CYB5R4: variants seen among roughly 807,000 people sequenced by gnomAD.
CYB5R4 encodes N-terminal cytochrome b5 and cytochrome b5 oxidoreductase domain-containing protein.
A neutral mutation model predicts 70.2 loss-of-function variants in CYB5R4; 55 were observed. The observed-to-expected ratio is 0.78, with a 90% CI of 0.63 to 0.98. CYB5R4 has a LOEUF of 0.98. Ranked by LOEUF, CYB5R4 falls within the 50% of genes least tolerant of loss-of-function variation. The pLI, the probability that CYB5R4 is intolerant of heterozygous loss-of-function variation, is 0.00. For synonymous variants in CYB5R4, 197 were observed against 199.5 expected (o/e 0.99, Z 0.11); for missense variants, 562 against 612.6 (o/e 0.92, Z 0.87).
intron 14 of CYB5R4, among the ~76,000 whole-genome samples, chr6:83,942,044 C>T (rs1453713718): frequency 2.0e-5 from 3 of 152,186 alleles, no homozygotes; most frequent in African/African-American, 7.2e-5. Context: ...GCTTTGGAAC[C>T]TGTGAAGCCC....
intron 2 of CYB5R4, among the ~76,000 whole-genome samples, chr6:83,877,768 G>A (rs953531940): frequency 2.6e-5 from 4 of 152,270 alleles, no homozygotes; most frequent in African/African-American, 7.2e-5. Flanking sequence ...TCATAGCAGC[G>A]AGTAAGATTT....
Position 83,859,736 on chromosome 6 carries a change from C to A in CYB5R4, c.-47C>A. On this transcript the variant is annotated 5_prime_UTR_variant, in exon 1 of 16. Transcript: ENST00000369681. ...CAGAGCCGGAGCTGGAGGTGCTGTC[C>A]CGTCTGGCGGCGATCCCCGGGCAGG... The A allele has an allele frequency of 6.3e-7, 1 of 1,599,340 alleles. No individual in the cohort carries two copies.
rs1157703437 is a variant in CYB5R4, at chr6:83,963,348, A to G, written c.*3470A>G. ...TCAACTTCATTATGCTGGCAAAGGCATGGGTACAACCTGCTCTGTGATCTA... is the reference window on the plus strand; with the variant it reads ...TCAACTTCATTATGCTGGCAAAGGCGTGGGTACAACCTGCTCTGTGATCTA... On this transcript the variant is annotated 3_prime_UTR_variant, in exon 16 of 16. Coordinates refer to ENST00000369681, the MANE Select transcript of CYB5R4 (RefSeq NM_016230.4). 1 of 152,244 alleles carries G rather than the reference A, an allele frequency of 6.6e-6. No individual in the cohort carries two copies. The highest frequency in any genetic ancestry group is 2.4e-5 in the African/African-American group (1 of 41,464). The allele number at this position is 152,244 out of a possible 1,614,324, so 9.4% of individuals were successfully genotyped here.
rs61756901 is a variant in CYB5R4 at position 83,937,415 on chromosome 6, T to C, written c.1108+1039T>C. Among the ~76,000 whole-genome samples, 632 of 152,344 alleles carry C rather than the reference T, an allele frequency of 4.1e-3. 6 individuals are homozygous for C. Among genetic ancestry groups the C allele is most frequent in the African/African-American group, 0.015 (603 of 41,576 alleles). ...TATAAGAATAAATATATTTCTTCAT[T>C]ACAAGACTTTGAGTTTAAGAGCAGA... is the stretch of plus-strand genomic sequence containing the variant. On this transcript the variant is annotated intron_variant, in intron 12 of 15. Transcript: ENST00000369681.
At chr6:83,939,627 A>G (rs1421989815) in intron 12 of CYB5R4, among the ~76,000 whole-genome samples, 2 of 152,242 alleles carry the variant, frequency 1.3e-5, no homozygotes, top group Non-Finnish European at 2.9e-5. Flanking sequence ...ATGTGTAAAT[A>G]GTGAATATCT....
chr6:83,910,671 A>G (rs1051936645), intron 4 of CYB5R4, among the ~76,000 whole-genome samples: 2 of 152,230 alleles, frequency 1.3e-5, no homozygotes, highest in African/African-American at 4.8e-5. Flanking sequence ...ATTCATGTAC[A>G]GGTGATTCCA....
chr6:83,878,696 TAG>T (rs1458066741), intron 2 of CYB5R4, among the ~76,000 whole-genome samples: 1 of 152,090 alleles, frequency 6.6e-6, no homozygotes, highest in Non-Finnish European at 1.5e-5. Flanking sequence ...AGAAGAATAA[TAG>T]AAACTGTGGT....
rs746527779 is a variant in CYB5R4, at chr6:83,940,132, G to A, written c.1185G>A (p.Leu395=). 6.2e-7 allele frequency: 1 copy of A among 1,610,368 alleles called. No individual in the cohort carries two copies. Among genetic ancestry groups the A allele is most frequent in the African/African-American group, 1.3e-5 (1 of 74,486 alleles). ...SKFQELEDLF[L]LAAGTGFTPM... is the part of the protein sequence containing the mutation. ...TCCAAGAATTAGAAGATCTCTTTTTGTTGGCAGCTGGAACAGGCTTCACAC... is the reference window on the plus strand; with the variant it reads ...TCCAAGAATTAGAAGATCTCTTTTTATTGGCAGCTGGAACAGGCTTCACAC... The change falls in exon 13 of 16, where the codon TTG becomes TTA. Residue 395 remains leucine, a synonymous_variant. Transcript: ENST00000369681.
chr6:83,934,899 A>C (rs1249326656), intron 11 of CYB5R4, among the ~76,000 whole-genome samples, 164 bp downstream of exon 11: 1 of 152,254 alleles, frequency 6.6e-6, no homozygotes, highest in Non-Finnish European at 1.5e-5. Flanking sequence ...AACGTGTCCT[A>C]CATGTTGGAA....
chr6:83,901,478 G>A (rs1403995851), intron 3 of CYB5R4, among the ~76,000 whole-genome samples: 1 of 152,102 alleles, frequency 6.6e-6, no homozygotes, highest in South Asian at 2.1e-4. Context: ...GTGGACTTCT[G>A]TGTATTTCCT....
At chr6:83,957,418 C>T (rs142020348) in intron 15 of CYB5R4, among the ~76,000 whole-genome samples, 3 of 151,964 alleles carry the variant, frequency 2.0e-5, no homozygotes, top group African/African-American at 7.2e-5. Flanking sequence ...GTCAGGAGTT[C>T]GAGACCAGCC....
intron 14 of CYB5R4, among the ~76,000 whole-genome samples, chr6:83,946,589 A>G (rs1161474897): frequency 6.6e-6 from 1 of 152,194 alleles, no homozygotes; most frequent in East Asian, 1.9e-4. Flanking sequence ...GGTAAGGGAA[A>G]GAAAGAAAGG....
chr6:83,901,478 G>C (rs1403995851), intron 3 of CYB5R4, among the ~76,000 whole-genome samples: 1 of 152,102 alleles, frequency 6.6e-6, no homozygotes. Context: ...GTGGACTTCT[G>C]TGTATTTCCT....
intron 2 of CYB5R4, among the ~76,000 whole-genome samples, chr6:83,890,312 G>A (rs2099460925): frequency 6.6e-6 from 1 of 152,120 alleles, no homozygotes; most frequent in Non-Finnish European, 1.5e-5. Context: ...AGCCCTCATG[G>A]GTAACTTTGA....
chr6:83,897,539 A>G (rs1382029705), intron 3 of CYB5R4, among the ~76,000 whole-genome samples: 1 of 152,166 alleles, frequency 6.6e-6, no homozygotes, highest in Non-Finnish European at 1.5e-5. Flanking sequence ...CTGTTTCTCC[A>G]CATCCTCTCC....
At position 83,921,127 on chromosome 6, in the gene CYB5R4, T is replaced by G. The variant is rs2099466310; in HGVS notation, c.610T>G (p.Phe204Val). 6.5e-7 allele frequency: 1 copy of G among 1,533,504 alleles called. No homozygotes were observed. Among genetic ancestry groups the G allele is most frequent in the Admixed American group, 1.9e-5 (1 of 53,244 alleles). The allele number at this position is 1,533,504 out of a possible 1,614,324, so 95.0% of individuals were successfully genotyped here. A position where few individuals can be genotyped will look rare whatever the true frequency, so the allele number is the denominator to read the frequency against. Residue 204 changes from phenylalanine to valine, a missense_variant, in exon 8 of 16, where the codon TTT becomes GTT. Physicochemically the swap from Phe to Val is conservative, Grantham distance 50 (BLOSUM62 -1). Coordinates refer to ENST00000369681, the MANE Select transcript of CYB5R4 (RefSeq NM_016230.4). ...SIIVDHQNDS[F>V]RAETIIKDCL... ...AATAGTTGATCATCAGAATGATTCCTTTAGAGCAGAAACAATTATTAAGGA... is the reference window on the plus strand; with the variant it reads ...AATAGTTGATCATCAGAATGATTCCGTTAGAGCAGAAACAATTATTAAGGA...
At chr6:83,934,249 A>G (rs1299126355) in intron 10 of CYB5R4, among the ~76,000 whole-genome samples, 3 of 152,024 alleles carry the variant, frequency 2.0e-5, no homozygotes, top group Non-Finnish European at 4.4e-5. Flanking sequence ...ATTAAAAAAA[A>G]AAAAAAGACT....
At chr6:83,929,337 T>C (rs2099467797) in intron 10 of CYB5R4, 1 of 152,194 alleles carries the variant, frequency 6.6e-6, no homozygotes, top group Non-Finnish European at 1.5e-5. Context: ...ATCTTACTAG[T>C]TTCTTAGCTA....
intron 2 of CYB5R4, among the ~76,000 whole-genome samples, chr6:83,870,971 C>CTTTTTTTTTT (rs759131653): frequency 1.5e-4 from 13 of 88,594 alleles, no homozygotes; most frequent in African/African-American, 2.5e-4. Flanking sequence ...TCATTGTTTG[C>CTTTTTTTTTT]TTTTTTTTTT....
Sources: gnomAD v4.1 joint callset for allele counts (sites outside exome capture counted in the v4.1 genomes callset) on GRCh38, gnomAD v4.1.1 for gene constraint, MANE v1.5 for transcripts, NCBI Gene and HGNC (gene_info 2026-07-23, HGNC 2026-07-21) for gene names.